TTC24: variants seen among roughly 807,000 people sequenced by gnomAD.
The protein encoded by TTC24 is tetratricopeptide repeat protein 24.
In TTC24, 54 loss-of-function variants were observed where a neutral mutation model predicts 63.3. That is an observed-to-expected ratio of 0.85 (90% CI 0.69 to 1.07). The LOEUF (loss-of-function observed/expected upper bound fraction) is 1.07. TTC24 is among the 50% of genes least tolerant of loss of function. The probability of loss-of-function intolerance (pLI) is 0.00; values close to 1 mark genes in which losing one functional copy is unlikely to be tolerated. For missense variants in TTC24, 680 were observed against 730.5 expected, an observed-to-expected ratio of 0.93 and a Z score of 0.80; for synonymous variants, 276 against 304.3, an observed-to-expected ratio of 0.91 and a Z score of 0.97.
Position 156,583,386 on chromosome 1 carries a change from C to T in TTC24, c.1088C>T (p.Ala363Val). The change falls in exon 5 of 11, where the codon GCA becomes GTA. Residue 363 changes from alanine (A) to valine (V), a missense_variant. Transcript: ENST00000368236. The surrounding 1 kb of genome is among the most constrained non-coding windows in gnomAD (Gnocchi z 4.0). ...GCCTGTGAGGGTCTGGGGGCTGCTGCAGCCAGGCTGGGGCAGTATGACCAG... is the reference window on the plus strand; with the variant it reads ...GCCTGTGAGGGTCTGGGGGCTGCTGTAGCCAGGCTGGGGCAGTATGACCAG... Reference protein sequence around the residue: ...WQACEGLGAAAARLGQYDQAL... With the variant: ...WQACEGLGAAVARLGQYDQAL... 6.8e-6 allele frequency: 11 copies of T among 1,612,136 alleles called. No individual in the cohort carries two copies. Among genetic ancestry groups the T allele is most frequent in the Non-Finnish European group, 9.3e-6 (11 of 1,179,262 alleles).
At position 156,581,824 on chromosome 1, in the gene TTC24, G is replaced by A. The variant is rs1677004990; in HGVS notation, c.460G>A (p.Gly154Arg). 2.6e-6 allele frequency: 4 copies of A among 1,550,906 alleles called. No homozygotes were observed. Among genetic ancestry groups the A allele is most frequent in the African/African-American group, 1.4e-5 (1 of 73,070 alleles). Residue 154 changes from glycine (G) to arginine (R), a missense_variant, in exon 2 of 11, where the codon GGA becomes AGA. Transcript: ENST00000368236. ...CCACTACCAGCCACAGGGTGACCAGGGAGAAGCCTGGGCAAAAATGGGAGC... is the reference window on the plus strand; with the variant it reads ...CCACTACCAGCCACAGGGTGACCAGAGAGAAGCCTGGGCAAAAATGGGAGC... ...LGHYQPQGDQ[G>R]EAWAKMGACY...
intron 1 of TTC24, among the ~76,000 whole-genome samples, chr1:156,580,388 A>T (rs1478803464): frequency 6.6e-6 from 1 of 152,132 alleles, no homozygotes; most frequent in Non-Finnish European, 1.5e-5. Flanking sequence ...TAGCAGGAGT[A>T]CCTAGATGAT....
intron 1 of TTC24, among the ~76,000 whole-genome samples, chr1:156,580,720 C>T (rs1676967924): frequency 6.6e-6 from 1 of 152,156 alleles, no homozygotes. Context: ...TCGTGATCTG[C>T]CCACCTCAGC....
intron 8 of TTC24, 127 bp downstream of exon 8, chr1:156,585,358 T>C: frequency 3.7e-6 from 3 of 808,602 alleles, no homozygotes; most frequent in Non-Finnish European, 5.7e-6. Context: ...GTCATTTCTT[T>C]GAGGCCTGGC....
At chr1:156,582,107 G>T in intron 2 of TTC24, 37 bp downstream of exon 2, 1 of 1,464,512 alleles carries the variant, frequency 6.8e-7, no homozygotes, top group East Asian at 2.5e-5. Flanking sequence ...GGGATCTGGG[G>T]AGACACAGAG....
intron 2 of TTC24, 71 bp from the exon 3 acceptor site, chr1:156,582,160 A>C: frequency 6.8e-7 from 1 of 1,471,422 alleles, no homozygotes; most frequent in Non-Finnish European, 9.1e-7. Flanking sequence ...ACCCTGGAGG[A>C]GTCGATAGGG....
intron 1 of TTC24, 117 bp from the exon 2 acceptor site, chr1:156,581,244 C>A: frequency 1.5e-6 from 1 of 677,136 alleles, no homozygotes; most frequent in Non-Finnish European, 2.4e-6. Context: ...AGAGAGCAAT[C>A]CTTGAAACCC....
At chr1:156,584,283 G>T (rs1677092241) in intron 6 of TTC24, among the ~76,000 whole-genome samples, 2 of 152,000 alleles carry the variant, frequency 1.3e-5, no homozygotes, top group African/African-American at 2.4e-5. Flanking sequence ...TTTCTCTGTG[G>T]GTCTCCACCG....
chr1:156,585,927 G>A (rs1557959181), intron 9 of TTC24, 22 bp from the exon 10 acceptor site: 2 of 1,601,560 alleles, frequency 1.2e-6, no homozygotes, highest in Admixed American at 1.7e-5. Context: ...CGTGATGAAT[G>A]TGTCTGTCCT....
rs1035446030 is a variant in TTC24 at position 156,587,599 on chromosome 1, G to A, written c.*1049G>A. Among the ~76,000 whole-genome samples, 1 of 152,132 alleles carries A rather than the reference G, an allele frequency of 6.6e-6. No homozygotes were observed. The highest frequency in any genetic ancestry group is 1.5e-5 in the Non-Finnish European group (1 of 68,042). ...CCTTGTAATCCTAGCACTTTGCGAGGCCAAGGTGGGAGGATTGCTTGAGCC... is the reference window on the plus strand; with the variant it reads ...CCTTGTAATCCTAGCACTTTGCGAGACCAAGGTGGGAGGATTGCTTGAGCC... On this transcript the variant is annotated 3_prime_UTR_variant, in exon 11 of 11. Coordinates refer to ENST00000368236, the MANE Select transcript of TTC24 (RefSeq NM_001105669.4).
chr1:156,584,013 T>C, intron 6 of TTC24, 118 bp downstream of exon 6: 1 of 824,608 alleles, frequency 1.2e-6, no homozygotes, highest in South Asian at 1.6e-5. Context: ...CTCATCTGTG[T>C]TCATCCGCCT....
rs958999330 is a variant in TTC24 at position 156,584,992 on chromosome 1, G to A, written c.1349+18G>A. ...CAGCACAGGTGAGGGTGGGAATGGT[G>A]CAGCAGAGATGCATGCGCCCTCTGC... On this transcript the variant is annotated intron_variant, in intron 7 of 10. Coordinates refer to ENST00000368236, the MANE Select transcript of TTC24 (RefSeq NM_001105669.4). The A allele has an allele frequency of 1.3e-6, 2 of 1,573,148 alleles. No individual in the cohort carries two copies. The highest frequency in any genetic ancestry group is 2.7e-5 in the African/African-American group (2 of 74,136).
chr1:156,582,967 G>T, intron 3 of TTC24, 75 bp from the exon 4 acceptor site: 1 of 1,544,556 alleles, frequency 6.5e-7, no homozygotes, highest in South Asian at 1.2e-5. Flanking sequence ...GGTCTGTCTT[G>T]GTTGCTGGAG....
intron 6 of TTC24, 91 bp from the exon 7 acceptor site, chr1:156,584,786 C>T: frequency 1.2e-6 from 1 of 806,390 alleles, no homozygotes; most frequent in Non-Finnish European, 1.9e-6. Flanking sequence ...CCCGAATTGT[C>T]TCTATCACAT....
In TTC24 at chr1:156,581,715, C is replaced by T. The variant is rs1015303190; in HGVS notation, c.351C>T (p.Gly117=). 46 of 1,551,654 alleles carry T rather than the reference C, an allele frequency of 3.0e-5. No individual in the cohort carries two copies. Among genetic ancestry groups the T allele is most frequent in the South Asian group, 2.5e-4 (21 of 84,074 alleles). ...PEEKAQGRRH[G]DQCFNVALAY... ...AGAAGGCACAGGGCAGGCGACACGG[C>T]GACCAATGTTTCAATGTGGCTTTGG... The change falls in exon 2 of 11, where the codon GGC becomes GGT. Residue 117 remains glycine, a synonymous_variant. Coordinates refer to ENST00000368236, the MANE Select transcript of TTC24 (RefSeq NM_001105669.4).
chr1:156,581,529 C>G lies in TTC24; in HGVS notation c.165C>G (p.Ala55=). ...GALQAGQNHE[A]LNNFQRAFLL... is the part of the protein sequence containing the mutation. ...TTCAGGCTGGCCAGAACCATGAAGC[C>G]TTGAACAACTTCCAGAGGGCCTTCC... The change falls in exon 2 of 11, where the codon GCC becomes GCG. Residue 55 remains alanine, a synonymous_variant. Coordinates refer to ENST00000368236, the MANE Select transcript of TTC24 (RefSeq NM_001105669.4). 1 of 1,551,378 alleles carries G rather than the reference C, an allele frequency of 6.4e-7. No individual in the cohort carries two copies. Among genetic ancestry groups the G allele is most frequent in the Non-Finnish European group, 8.7e-7 (1 of 1,146,758 alleles).
Position 156,583,315 on chromosome 1 carries a change from C to G in TTC24, c.1040-23C>G. 1 of 1,611,244 alleles carries G rather than the reference C, an allele frequency of 6.2e-7. No individual in the cohort carries two copies. The stretch of plus-strand genomic sequence containing the variant: ...GTGGGGTAGGAAGTCATGAAAGGAC[C>G]TTCCAGGCTCTCTTTCTCTCAGGGG... On this transcript the variant is annotated intron_variant, in intron 4 of 10. Transcript: ENST00000368236. This position sits in a 1 kb window ranked among gnomAD's most constrained non-coding sequence, Gnocchi z 4.0.
chr1:156,580,464 C>G (rs569052512), intron 1 of TTC24, among the ~76,000 whole-genome samples: 1 of 151,164 alleles, frequency 6.6e-6, no homozygotes. Flanking sequence ...CCTGCATATG[C>G]GGTTCCTTCA....
chr1:156,582,201 G>A, intron 2 of TTC24, 30 bp from the exon 3 acceptor site: 1 of 1,534,090 alleles, frequency 6.5e-7, no homozygotes, highest in Non-Finnish European at 8.8e-7. Flanking sequence ...ATCTGGTCTG[G>A]CTACCAGTGA....
Sources: allele counts gnomAD v4.1 joint callset (sites outside exome capture counted in the v4.1 genomes callset), GRCh38; gene constraint gnomAD v4.1.1; non-coding constraint Gnocchi (gnomAD v3.1); transcripts MANE v1.5; gene names NCBI Gene and HGNC (gene_info 2026-07-23, HGNC 2026-07-21).